The following MYO1D variants were observed in gnomAD, a reference collection of about 807,000 sequenced individuals.
MYO1D encodes the protein myosin ID, also known as unconventional myosin-Id.
A neutral mutation model predicts 122.0 loss-of-function variants in MYO1D; 83 were observed. The ratio of observed to expected loss-of-function variants is 0.68; its 90% CI spans 0.57 to 0.82. The LOEUF is 0.82. Among genes scored for constraint, MYO1D ranks in the 40% least tolerant of loss-of-function variants. The probability of loss-of-function intolerance (pLI) is 0.00; values close to 1 mark genes in which losing one functional copy is unlikely to be tolerated. For missense variants in MYO1D, 1,157 were observed against 1,269.5 expected, an observed-to-expected ratio of 0.91 and a Z score of 1.35; for synonymous variants, 464 against 446.9, an observed-to-expected ratio of 1.04 and a Z score of -0.48.
chr17:32,719,542 G>C (rs1048013034), intron 15 of MYO1D, among the ~76,000 whole-genome samples: 1 of 151,902 alleles, frequency 6.6e-6, no homozygotes, highest in Non-Finnish European at 1.5e-5. Context: ...AGTAGAGATG[G>C]GGTTTCACCT....
At chr17:32,685,088 T>G (rs2088986996) in intron 16 of MYO1D, among the ~76,000 whole-genome samples, 1 of 152,086 alleles carries the variant, frequency 6.6e-6, no homozygotes, top group Admixed American at 6.6e-5. Flanking sequence ...AAGGTGCACA[T>G]CCTTATTCTC....
intron 21 of MYO1D, among the ~76,000 whole-genome samples, chr17:32,553,084 A>AC (rs1477218916): frequency 1.1e-4 from 15 of 139,518 alleles, no homozygotes; most frequent in Admixed American, 7.2e-4. Context: ...AGACAAAAAA[A>AC]AAAAAACAAA....
chr17:32,664,720 T>C (rs1419184511), intron 16 of MYO1D, among the ~76,000 whole-genome samples: 1 of 152,174 alleles, frequency 6.6e-6, no homozygotes, highest in Admixed American at 6.5e-5. Context: ...CAGAGAGGCC[T>C]GCTGACAGGG....
chr17:32,858,284 T>A (rs1419545902), intron 1 of MYO1D, among the ~76,000 whole-genome samples: 2 of 152,214 alleles, frequency 1.3e-5, no homozygotes, highest in African/African-American at 4.8e-5. Flanking sequence ...ATCAGGAGAT[T>A]AACATATGAT....
Position 32,597,282 on chromosome 17 carries a change from A to G in MYO1D, c.2864+7805T>C, listed in dbSNP as rs116717950. The stretch of plus-strand genomic sequence containing the variant: ...TGAAAAACAAATAAATCTCCCTTCT[A>G]CCTCTTTCTCCCTGTACTGAGGTGT... On this transcript the variant is annotated intron_variant, in intron 21 of 21. Transcript: ENST00000318217. Among the ~76,000 whole-genome samples, 713 of 152,242 alleles carry G rather than the reference A, an allele frequency of 4.7e-3. 3 individuals are homozygous for G. Among genetic ancestry groups the G allele is most frequent in the African/African-American group, 0.017 (686 of 41,544 alleles).
At chr17:32,524,266 A>G (rs1910259993) in intron 21 of MYO1D, among the ~76,000 whole-genome samples, 1 of 152,196 alleles carries the variant, frequency 6.6e-6, no homozygotes, top group African/African-American at 2.4e-5. Context: ...CTTCCTTCCG[A>G]CGTCAACTCA....
chr17:32,669,092 T>C (rs1402253660), intron 16 of MYO1D, among the ~76,000 whole-genome samples: 1 of 152,186 alleles, frequency 6.6e-6, no homozygotes, highest in East Asian at 1.9e-4. Flanking sequence ...AGAGTACTAA[T>C]GTTGAAGGGG....
intron 1 of MYO1D, among the ~76,000 whole-genome samples, chr17:32,842,462 C>T (rs556515877): frequency 6.6e-6 from 1 of 152,220 alleles, no homozygotes; most frequent in East Asian, 1.9e-4. Context: ...TAGAAATATG[C>T]AGTTATTCCT....
At chr17:32,516,326 A>G (rs1375030428) in intron 21 of MYO1D, among the ~76,000 whole-genome samples, 1 of 152,126 alleles carries the variant, frequency 6.6e-6, no homozygotes, top group East Asian at 1.9e-4. Context: ...CATCACAGAA[A>G]CCACTCACCA....
At chr17:32,783,347 T>G (rs1284034771) in intron 1 of MYO1D, among the ~76,000 whole-genome samples, 1 of 152,128 alleles carries the variant, frequency 6.6e-6, no homozygotes, top group Non-Finnish European at 1.5e-5. Flanking sequence ...AAAATAATAT[T>G]TTATTACAAA....
chr17:32,612,697 A>AAAAAAAAAAAAAAAAAAAC (rs2087717725), intron 20 of MYO1D, among the ~76,000 whole-genome samples: 1 of 83,052 alleles, frequency 1.2e-5, no homozygotes, highest in Non-Finnish European at 3.1e-5. Context: ...AAAAAAAAAC[A>AAAAAAAAAAAAAAAAAAAC]AAAAAAAAAA....
chr17:32,602,904 T>G (rs2087579082), intron 21 of MYO1D, among the ~76,000 whole-genome samples: 1 of 152,078 alleles, frequency 6.6e-6, no homozygotes, highest in Middle Eastern at 3.4e-3. Context: ...TAAAGGAAAA[T>G]AGCTAGAAAA....
chr17:32,569,232 T>C (rs1416219440), intron 21 of MYO1D, among the ~76,000 whole-genome samples: 1 of 152,212 alleles, frequency 6.6e-6, no homozygotes, highest in Non-Finnish European at 1.5e-5. Context: ...ATATGAGCAA[T>C]CTATTTTCTC....
chr17:32,496,222 C>A (rs1205545538), intron 21 of MYO1D: 1 of 152,278 alleles, frequency 6.6e-6, no homozygotes, highest in South Asian at 2.1e-4. Context: ...CACTAGAGCA[C>A]CTGGCCCAGC....
intron 21 of MYO1D, among the ~76,000 whole-genome samples, chr17:32,526,452 C>T (rs1910344758): frequency 6.6e-6 from 1 of 152,098 alleles, no homozygotes; most frequent in Admixed American, 6.6e-5. Flanking sequence ...TTCAAGTGTG[C>T]ATATATGTAT....
At position 32,876,809 on chromosome 17, in the gene MYO1D, T is replaced by C. The variant is rs148739091; in HGVS notation, c.64A>G (p.Met22Val). 2.3e-4 allele frequency: 355 copies of C among 1,524,948 alleles called. No homozygotes were observed. Among genetic ancestry groups the C allele is most frequent in the Non-Finnish European group, 3.0e-4 (346 of 1,136,916 alleles). The allele number at this position is 1,524,948 out of a possible 1,614,324, so 94.5% of individuals were successfully genotyped here. ...CTGAGGTTGGCCATGAACTCGGGCA[T>C]GGAGACGGTGTCCATCAGCACGAAG... ...ADFVLMDTVS[M>V]PEFMANLRLR... Residue 22 changes from methionine (M) to valine (V), a missense_variant, in exon 1 of 22, where the codon ATG becomes GTG. Coordinates refer to ENST00000318217, the MANE Select transcript of MYO1D (RefSeq NM_015194.3).
At chr17:32,798,617 T>C (rs1425983093) in intron 1 of MYO1D, among the ~76,000 whole-genome samples, 1 of 152,192 alleles carries the variant, frequency 6.6e-6, no homozygotes, top group African/African-American at 2.4e-5. Flanking sequence ...GAATGTGAGA[T>C]GGCATCCCCA....
At chr17:32,667,260 G>A (rs1019013069) in intron 16 of MYO1D, among the ~76,000 whole-genome samples, 1 of 152,266 alleles carries the variant, frequency 6.6e-6, no homozygotes, top group East Asian at 1.9e-4. Context: ...TATTTTAAAG[G>A]AAGACTCAGA....
rs139437630 is a variant in MYO1D at position 32,785,660 on chromosome 17, C to T, written c.96-4876G>A. Among the ~76,000 whole-genome samples the T allele has an allele frequency of 3.0e-3, 455 of 152,278 alleles. 4 individuals are homozygous for T. Among genetic ancestry groups the T allele is most frequent in the African/African-American group, 0.011 (438 of 41,552 alleles). Reference sequence around the variant, plus strand: ...TTTCTATGCTCATCTTACTTAATTTCTCAGTATTTGACACTGACTCCCATT... The same window carrying T: ...TTTCTATGCTCATCTTACTTAATTTTTCAGTATTTGACACTGACTCCCATT... On this transcript the variant is annotated intron_variant, in intron 1 of 21. Coordinates refer to ENST00000318217, the MANE Select transcript of MYO1D (RefSeq NM_015194.3).
Sources: allele counts gnomAD v4.1 joint callset (sites outside exome capture counted in the v4.1 genomes callset), GRCh38; gene constraint gnomAD v4.1.1; transcripts MANE v1.5; gene names NCBI Gene and HGNC (gene_info 2026-07-23, HGNC 2026-07-21).